TTN: variants seen among roughly 807,000 people sequenced by gnomAD.
TTN encodes the protein titin.
TTN carries 1,525 observed loss-of-function variants against 3,223.0 expected under a neutral mutation model. That is an observed-to-expected ratio of 0.47 (90% CI 0.45 to 0.49). The LOEUF (loss-of-function observed/expected upper bound fraction) is 0.49, where lower values mean the gene tolerates loss of function less well. Ranked by LOEUF, TTN falls within the 20% of genes least tolerant of loss-of-function variation. The pLI, the probability that TTN is intolerant of heterozygous loss-of-function variation, is 0.00. For synonymous variants in TTN, 14,094 were observed against 15,161.0 expected (o/e 0.93, Z 5.17); for missense variants, 40,786 against 43,424.0 (o/e 0.94, Z 5.40).
chr2:178,734,680 T>C (rs2081136205), intron 51 of TTN, 27 bp downstream of exon 51: 1 of 1,583,202 alleles, frequency 6.3e-7, no homozygotes, highest in Non-Finnish European at 8.6e-7. Flanking sequence ...CTCAGAAAAA[T>C]ACTGGATGGA....
At chr2:178,640,403 A>G in intron 221 of TTN, 138 bp downstream of exon 221, 1 of 807,122 alleles carries the variant, frequency 1.2e-6, no homozygotes. Flanking sequence ...TAGGAGAGTG[A>G]GATGGTAAAG....
intron 156 of TTN, 145 bp downstream of exon 156, chr2:178,670,945 T>G: frequency 1.6e-6 from 1 of 632,982 alleles, no homozygotes; most frequent in East Asian, 3.3e-5. Flanking sequence ...CCTCAGCTGC[T>G]TTAAAGATAT....
At position 178,603,750 on chromosome 2, in the gene TTN, GA is replaced by G. The variant is rs910545697; in HGVS notation, c.54811+125del. 1.8e-5 allele frequency: 18 copies of G among 978,954 alleles called. No homozygotes were observed. In the Admixed American group the frequency reaches 4.9e-4, roughly 27 times the overall value. 60.6% of individuals were successfully genotyped at this position (978,954 alleles called of 1,614,324 possible). ...TACTTCCGATAGTCTATGTGAACAT[GA>G]ACCTTTTTTATTTTAATAAATAAAA... On this transcript the variant is annotated intron_variant, in intron 282 of 362. Transcript: ENST00000589042.
At chr2:178,619,496 T>G in intron 250 of TTN, 125 bp downstream of exon 250, 2 of 1,236,434 alleles carry the variant, frequency 1.6e-6, no homozygotes, top group Non-Finnish European at 2.2e-6. Flanking sequence ...TTAGAGTTGT[T>G]AACATGTGGG....
At position 178,756,555 on chromosome 2, in the gene TTN, T is replaced by C; in HGVS notation, c.10921A>G (p.Ile3641Val). Residue 3641 changes from isoleucine (I) to valine (V), a missense_variant, in exon 46 of 363, where the codon ATT becomes GTT. Transcript: ENST00000589042. The stretch of plus-strand genomic sequence containing the variant: ...TTAGATAGCTCAGTGCTTTCTGCAA[T>C]TTGTGAAAGGGATGCAGTATGGCAC... The part of the protein sequence containing the change: ...QLCHTASLSQ[I>V]AESTELSKEC... The C allele has an allele frequency of 1.9e-6, 3 of 1,611,620 alleles. No homozygotes were observed. Among genetic ancestry groups the C allele is most frequent in the Non-Finnish European group, 1.7e-6 (2 of 1,178,210 alleles).
In TTN at chr2:178,568,914, T is replaced by G; in HGVS notation, c.77218A>C (p.Lys25740Gln). The change falls in exon 326 of 363, where the codon AAA (lysine) becomes CAA (glutamine). Residue 25740 changes from lysine to glutamine, a missense_variant. Lys to Gln is a moderately conservative substitution (Grantham distance 53). Transcript: ENST00000589042. ...CACTCTGACCATTTCTCACTGTGTT[T>G]AGCTTGCATTTCCACAATATACTGA... is the stretch of plus-strand genomic sequence containing the variant. ...IIQYIVEMQA[K>Q]HSEKWSECAR... 6.2e-7 allele frequency: 1 copy of G among 1,613,378 alleles called. No homozygotes were observed. Among genetic ancestry groups the G allele is most frequent in the Non-Finnish European group, 8.5e-7 (1 of 1,179,590 alleles).
In TTN at chr2:178,615,553, C is replaced by T. The variant is rs79645313; in HGVS notation, c.48461-69G>A. ...ATGCAGTTCTCTTCACATTGCCAAC[C>T]CCTGCCTTGCCCCATAACTTCAACT... On this transcript the variant is annotated intron_variant, in intron 258 of 362. Transcript: ENST00000589042. 385 of 1,608,388 alleles carry T rather than the reference C, an allele frequency of 2.4e-4. 2 individuals are homozygous for T. In the African/African-American group the frequency reaches 4.6e-3, roughly 19 times the overall value.
At position 178,587,332 on chromosome 2, in the gene TTN, G is replaced by T. The variant is rs200463088; in HGVS notation, c.63879C>A (p.Asp21293Glu). 6 of 1,612,642 alleles carry T rather than the reference G, an allele frequency of 3.7e-6. No individual in the cohort carries two copies. In the Admixed American group the frequency reaches 1.0e-4, roughly 27 times the overall value. The change falls in exon 307 of 363, where the codon GAC becomes GAA. Residue 21293 changes from aspartate to glutamate, a missense_variant. Coordinates refer to ENST00000589042, the MANE Select transcript of TTN (RefSeq NM_001267550.2). ...TATAATGTGTCACTTGGCTCCCACCGTCGTTTTCAGGAGGGGCCCAGGACA... is the reference window on the plus strand; with the variant it reads ...TATAATGTGTCACTTGGCTCCCACCTTCGTTTTCAGGAGGGGCCCAGGACA... ...CHVSWAPPEN[D>E]GGSQVTHYIV... is the part of the protein sequence containing the mutation.
At chr2:178,699,897 T>G (rs2074640526) in intron 111 of TTN, among the ~76,000 whole-genome samples, 1 of 148,892 alleles carries the variant, frequency 6.7e-6, no homozygotes, top group Admixed American at 6.8e-5. Context: ...CCGGCTAATT[T>G]TTTGTATTTT....
At chr2:178,542,615 G>C (rs1462199094) in intron 348 of TTN, 47 bp downstream of exon 348, 1 of 1,596,246 alleles carries the variant, frequency 6.3e-7, no homozygotes, top group African/African-American at 1.3e-5. Flanking sequence ...AATCAAAATT[G>C]GGTGACTGAA....
rs2082069274 is a variant in TTN at position 178,739,303 on chromosome 2, C to T, written c.13930G>A (p.Val4644Met). ...CACTTGAACTTTTCATCTGAAGGCA[C>T]CAGTTTATTCTCAAAATACCAATTC... ...EVNWYFENKL[V>M]PSDEKFKCLQ... is the part of the protein sequence containing the mutation. Residue 4644 changes from valine to methionine, a missense_variant, in exon 48 of 363, where the codon GTG becomes ATG. By Grantham distance (21) the Val-to-Met change is conservative (BLOSUM62 1). Transcript: ENST00000589042. 1.2e-6 allele frequency: 2 copies of T among 1,613,372 alleles called. No homozygotes were observed. Among genetic ancestry groups the T allele is most frequent in the Non-Finnish European group, 1.7e-6 (2 of 1,179,590 alleles).
In TTN at chr2:178,633,556, T is replaced by G; in HGVS notation, c.42803A>C (p.Glu14268Ala). ...AGAATATTTGGGTGAAGGGACAATC[T>G]CTTCACCATCTTTGAACCATTTCAC... ...VPVKWFKDGEEIVPSPKYSIK... is the reference protein window; with the variant it reads ...VPVKWFKDGEAIVPSPKYSIK... The change falls in exon 232 of 363, where the codon GAG becomes GCG. Residue 14268 changes from glutamate to alanine, a missense_variant. Glu to Ala is a moderately radical substitution (Grantham distance 107). Coordinates refer to ENST00000589042, the MANE Select transcript of TTN (RefSeq NM_001267550.2). The G allele has an allele frequency of 6.2e-7, 1 of 1,613,418 alleles. No individual in the cohort carries two copies. Among genetic ancestry groups the G allele is most frequent in the Non-Finnish European group, 8.5e-7 (1 of 1,179,616 alleles).
Position 178,777,854 on chromosome 2 carries a change from C to T in TTN, c.4330G>A (p.Glu1444Lys). 6.2e-7 allele frequency: 1 copy of T among 1,614,048 alleles called. No individual in the cohort carries two copies. Among genetic ancestry groups the T allele is most frequent in the Non-Finnish European group, 8.5e-7 (1 of 1,179,952 alleles). ...PARMSPGRRL[E>K]ETDESQLERL... ...TCAAGTTGTGACTCATCTGTCTCCT[C>T]CAGCCTACGTCCAGGGGACATTCTT... Residue 1444 changes from glutamate (E) to lysine (K), a missense_variant, in exon 25 of 363, where the codon GAG becomes AAG. By Grantham distance (56) the Glu-to-Lys change is moderately conservative (BLOSUM62 1). Transcript: ENST00000589042.
In TTN at chr2:178,610,358, T is replaced by G; in HGVS notation, c.51168A>C (p.Ala17056=). 6.2e-7 allele frequency: 1 copy of G among 1,612,728 alleles called. No individual in the cohort carries two copies. Among genetic ancestry groups the G allele is most frequent in the South Asian group, 1.1e-5 (1 of 91,044 alleles). The change falls in exon 271 of 363, where the codon GCA becomes GCC. Residue 17056 remains alanine, a synonymous_variant. Transcript: ENST00000589042. ...TACAAGAACTCTTGGTAATGTCACTTGCTTTAATATCTTTGCATGGTCCAG... is the reference window on the plus strand; with the variant it reads ...TACAAGAACTCTTGGTAATGTCACTGGCTTTAATATCTTTGCATGGTCCAG... The part of the protein sequence containing the change: ...GLPGPCKDIK[A]SDITKSSCKL...
chr2:178,538,691 C>G lies in TTN; in HGVS notation c.99138G>C (p.Lys33046Asn), dbSNP rs778078915. 6.2e-7 allele frequency: 1 copy of G among 1,613,754 alleles called. No homozygotes were observed. The highest frequency in any genetic ancestry group is 8.5e-7 in the Non-Finnish European group (1 of 1,179,740). ...EYRQSGDSAW[K>N]KSNKERIKDK... ...CCTTAATACGTTCCTTATTGCTCTT[C>G]TTCCAGGCACTGTCTCCAGACTGTC... Residue 33046 changes from lysine to asparagine, a missense_variant, in exon 354 of 363, where the codon AAG (lysine) becomes AAC (asparagine). Physicochemically the swap from Lys to Asn is moderately conservative, Grantham distance 94. Transcript: ENST00000589042.
chr2:178,715,412 T>C (rs961351784), intron 89 of TTN, 81 bp downstream of exon 89: 1 of 1,531,960 alleles, frequency 6.5e-7, no homozygotes, highest in Non-Finnish European at 8.7e-7. Context: ...TAAAACATCG[T>C]TGAAGAGTCA....
In TTN at chr2:178,533,885, T is replaced by A; in HGVS notation, c.102730A>T (p.Ile34244Phe). Reference sequence around the variant, plus strand: ...CTCATTGTGTCTGTTCTGCGCTTAATTTTCTTCATGGTTCTACGGCAGTAA... The same window carrying A: ...CTCATTGTGTCTGTTCTGCGCTTAAATTTCTTCATGGTTCTACGGCAGTAA... ...DYYCRRTMKKIKRRTDTMRLL... is the reference protein window; with the variant it reads ...DYYCRRTMKKFKRRTDTMRLL... The change falls in exon 358 of 363, where the codon ATT becomes TTT. Residue 34244 changes from isoleucine (I) to phenylalanine (F), a missense_variant. Transcript: ENST00000589042. 1 of 1,613,914 alleles carries A rather than the reference T, an allele frequency of 6.2e-7. No homozygotes were observed.
In TTN at chr2:178,652,846, A is replaced by G; in HGVS notation, c.38959+2T>C. ...CTGAAGCCTAAAGCCAGTGACAAATACCTTTAACAGGAGGGACTTCAGGCT... is the reference window on the plus strand; with the variant it reads ...CTGAAGCCTAAAGCCAGTGACAAATGCCTTTAACAGGAGGGACTTCAGGCT... On this transcript the variant is annotated splice_donor_variant, in intron 200 of 362. Coordinates refer to ENST00000589042, the MANE Select transcript of TTN (RefSeq NM_001267550.2). LOFTEE classifies it high-confidence loss of function. 6.2e-7 allele frequency: 1 copy of G among 1,610,546 alleles called. No homozygotes were observed. The highest frequency in any genetic ancestry group is 8.5e-7 in the Non-Finnish European group (1 of 1,178,854).
In TTN at chr2:178,650,339, C is replaced by T. The variant is rs1321266896; in HGVS notation, c.39710-68G>A. The T allele has an allele frequency of 4.5e-6, 6 of 1,324,354 alleles. No individual in the cohort carries two copies. The East Asian group carries it at 1.5e-4, about 34-fold the overall frequency. The allele number at this position is 1,324,354 out of a possible 1,614,324, so 82.0% of individuals were successfully genotyped here. On this transcript the variant is annotated intron_variant, in intron 209 of 362. Coordinates refer to ENST00000589042, the MANE Select transcript of TTN (RefSeq NM_001267550.2). Reference sequence around the variant, plus strand: ...TATTCTAAGATGGACAAACACTAAACACGATAAATAGTAATCTTGATTTCT... The same window carrying T: ...TATTCTAAGATGGACAAACACTAAATACGATAAATAGTAATCTTGATTTCT...
Sources: gnomAD v4.1 joint callset for allele counts (sites outside exome capture counted in the v4.1 genomes callset) on GRCh38, gnomAD v4.1.1 for gene constraint, MANE v1.5 for transcripts, NCBI Gene and HGNC (gene_info 2026-07-23, HGNC 2026-07-21) for gene names.